The following ZNF502 variants were observed in gnomAD, a reference collection of about 807,000 sequenced individuals.
ZNF502 encodes the protein zinc finger protein 502.
ZNF502 carries 29 observed loss-of-function variants against 43.6 expected under a neutral mutation model. That is an observed-to-expected ratio of 0.67 (90% CI 0.50 to 0.91). ZNF502 has a LOEUF of 0.91. Among genes scored for constraint, ZNF502 ranks in the 40% least tolerant of loss-of-function variants. ZNF502 has a pLI of 0.00. For missense variants in ZNF502, 591 were observed against 647.2 expected, an observed-to-expected ratio of 0.91 and a Z score of 0.94; for synonymous variants, 171 against 207.4, an observed-to-expected ratio of 0.82 and a Z score of 1.51.
chr3:44,716,295 C>A (rs1413319560), intron 1 of ZNF502, among the ~76,000 whole-genome samples: 2 of 150,628 alleles, frequency 1.3e-5, no homozygotes, highest in Non-Finnish European at 1.5e-5. Context: ...TCAAGCAATT[C>A]TCCTGCCTCA....
At chr3:44,713,469 A>G (rs1704071156) in intron 1 of ZNF502, among the ~76,000 whole-genome samples, 1 of 152,216 alleles carries the variant, frequency 6.6e-6, no homozygotes, top group African/African-American at 2.4e-5. Flanking sequence ...AATATTTTAA[A>G]CTACATTTAT....
Position 44,721,095 on chromosome 3 carries a change from C to T in ZNF502, c.278C>T (p.Ala93Val). Reference protein sequence around the residue: ...FGRITFIHKEAPPEIISQGYN... With the variant: ...FGRITFIHKEVPPEIISQGYN... Reference sequence around the variant, plus strand: ...AGAATAACTTTCATCCACAAAGAAGCACCCCCTGAAATTATTAGTCAAGGA... The same window carrying T: ...AGAATAACTTTCATCCACAAAGAAGTACCCCCTGAAATTATTAGTCAAGGA... The change falls in exon 3 of 3, where the codon GCA (alanine) becomes GTA (valine). Residue 93 changes from alanine to valine, a missense_variant. Physicochemically the swap from Ala to Val is moderately conservative, Grantham distance 64. Transcript: ENST00000436624. 1.2e-6 allele frequency: 2 copies of T among 1,614,114 alleles called. No individual in the cohort carries two copies. Among genetic ancestry groups the T allele is most frequent in the Non-Finnish European group, 1.7e-6 (2 of 1,180,014 alleles).
At chr3:44,720,086 G>A (rs778720277) in intron 1 of ZNF502, 117 bp from the exon 2 acceptor site, 7 of 681,798 alleles carry the variant, frequency 1.0e-5, no homozygotes, top group Non-Finnish European at 1.8e-5. Flanking sequence ...TTGTTATCCT[G>A]AGAGTTATTG....
At chr3:44,720,671 G>A (rs549410940) in intron 2 of ZNF502, among the ~76,000 whole-genome samples, 137 of 152,168 alleles carry the variant, frequency 9.0e-4, no homozygotes, top group African/African-American at 3.1e-3. Flanking sequence ...CCTTCCATGG[G>A]AGTTCCTCGT....
rs1370837323 is a variant in ZNF502, at chr3:44,722,100, G to T, written c.1283G>T (p.Ser428Ile). 6.2e-7 allele frequency: 1 copy of T among 1,613,808 alleles called. No individual in the cohort carries two copies. Among genetic ancestry groups the T allele is most frequent in the East Asian group, 2.2e-5 (1 of 44,860 alleles). Residue 428 changes from serine to isoleucine, a missense_variant, in exon 3 of 3, where the codon AGT becomes ATT. Transcript: ENST00000436624. ...ATTTGCCTTATTCGGCACCAGAGAA[G>T]TCACACTGGAGAAAAACCCTATAAA... ...QSICLIRHQR[S>I]HTGEKPYKCN...
rs2125869641 is a variant in ZNF502 at position 44,723,459 on chromosome 3, G to C, written c.*1007G>C. 1 of 152,264 alleles carries C rather than the reference G, an allele frequency of 6.6e-6. No homozygotes were observed. The highest frequency in any genetic ancestry group is 1.9e-4 in the East Asian group (1 of 5,196). The allele number at this position is 152,264 out of a possible 1,614,324, so 9.4% of individuals were successfully genotyped here. A position where few individuals can be genotyped will look rare whatever the true frequency, so the allele number is the denominator to read the frequency against. Reference sequence around the variant, plus strand: ...CTAACAAAATGGTACTTAGTTTGTTGGTCTTTAGGAGAAAGCATTAGTAAT... The same window carrying C: ...CTAACAAAATGGTACTTAGTTTGTTCGTCTTTAGGAGAAAGCATTAGTAAT... On this transcript the variant is annotated 3_prime_UTR_variant, in exon 3 of 3. Transcript: ENST00000436624.
intron 1 of ZNF502, among the ~76,000 whole-genome samples, chr3:44,714,186 G>A (rs1575537191): frequency 1.3e-5 from 2 of 152,328 alleles, no homozygotes; most frequent in East Asian, 3.9e-4. Context: ...AAGGTAGAGG[G>A]AGGAAGCCAG....
At chr3:44,718,380 C>A (rs111578147) in intron 1 of ZNF502, among the ~76,000 whole-genome samples, 2 of 152,332 alleles carry the variant, frequency 1.3e-5, no homozygotes, top group African/African-American at 4.8e-5. Context: ...CGCAGATTAT[C>A]TGTTGCTGTA....
rs202029397 is a variant in ZNF502 at position 44,722,318 on chromosome 3, C to T, written c.1501C>T (p.Arg501Cys). 4.3e-5 allele frequency: 70 copies of T among 1,614,022 alleles called. No individual in the cohort carries two copies. Among genetic ancestry groups the T allele is most frequent in the Admixed American group, 2.7e-4 (16 of 60,002 alleles). ...ATGTAGTGAGTGTGAGAAAACCTTC[C>T]GCAAGTATGCACACCTTAGTGAACA... ...YKCSECEKTF[R>C]KYAHLSEHYR... The change falls in exon 3 of 3, where the codon CGC becomes TGC. Residue 501 changes from arginine (R) to cysteine (C), a missense_variant. By Grantham distance (180) the Arg-to-Cys change is radical. Coordinates refer to ENST00000436624, the MANE Select transcript of ZNF502 (RefSeq NM_001134442.3).
rs1704368817 is a variant in ZNF502 at position 44,722,096 on chromosome 3, A to C, written c.1279A>C (p.Arg427=). Residue 427 remains arginine, a synonymous_variant, in exon 3 of 3, where the codon AGA becomes CGA. Transcript: ENST00000436624. The part of the protein sequence containing the change: ...IQSICLIRHQ[R]SHTGEKPYKC... ...GAGCATTTGCCTTATTCGGCACCAGAGAAGTCACACTGGAGAAAAACCCTA... is the reference window on the plus strand; with the variant it reads ...GAGCATTTGCCTTATTCGGCACCAGCGAAGTCACACTGGAGAAAAACCCTA... 1 of 1,614,212 alleles carries C rather than the reference A, an allele frequency of 6.2e-7. No homozygotes were observed. The highest frequency in any genetic ancestry group is 8.5e-7 in the Non-Finnish European group (1 of 1,180,038).
intron 1 of ZNF502, among the ~76,000 whole-genome samples, chr3:44,715,385 G>A (rs568036474): frequency 3.3e-5 from 5 of 152,232 alleles, no homozygotes; most frequent in South Asian, 2.1e-4. Flanking sequence ...AACAATTGTA[G>A]TAATAGTGTG....
chr3:44,721,963 A>G lies in ZNF502; in HGVS notation c.1146A>G (p.Lys382=), dbSNP rs754573410. 1 of 1,614,164 alleles carries G rather than the reference A, an allele frequency of 6.2e-7. No individual in the cohort carries two copies. Among genetic ancestry groups the G allele is most frequent in the South Asian group, 1.1e-5 (1 of 91,082 alleles). ...IHTGEKPYKC[K]ECGKAFTQST... is the part of the protein sequence containing the mutation. ...CTGGAGAAAAACCATATAAGTGTAA[A>G]GAATGTGGCAAAGCGTTTACTCAGA... is the stretch of plus-strand genomic sequence containing the variant. The change falls in exon 3 of 3, where the codon AAA becomes AAG. Residue 382 remains lysine (K), a synonymous_variant. Coordinates refer to ENST00000436624, the MANE Select transcript of ZNF502 (RefSeq NM_001134442.3).
Position 44,723,541 on chromosome 3 carries a change from T to A in ZNF502, c.*1089T>A, listed in dbSNP as rs1704427933. 1 of 152,222 alleles carries A rather than the reference T, an allele frequency of 6.6e-6. No individual in the cohort carries two copies. The highest frequency in any genetic ancestry group is 6.5e-5 in the Admixed American group (1 of 15,276). 9.4% of individuals were successfully genotyped at this position (152,222 alleles called of 1,614,324 possible). A position where few individuals can be genotyped will look rare whatever the true frequency, so the allele number is the denominator to read the frequency against. ...ATTGGGGCTCTTAAGAAAGTTGACA[T>A]TTGTCGTGGAATGACTTTGGAAAGA... is the stretch of plus-strand genomic sequence containing the variant. On this transcript the variant is annotated 3_prime_UTR_variant, in exon 3 of 3. Coordinates refer to ENST00000436624, the MANE Select transcript of ZNF502 (RefSeq NM_001134442.3).
In ZNF502 at chr3:44,721,837, G is replaced by T; in HGVS notation, c.1020G>T (p.Gln340His). 6.2e-7 allele frequency: 1 copy of T among 1,614,140 alleles called. No individual in the cohort carries two copies. The highest frequency in any genetic ancestry group is 8.5e-7 in the Non-Finnish European group (1 of 1,180,008). The change falls in exon 3 of 3, where the codon CAG becomes CAT. Residue 340 changes from glutamine (Q) to histidine (H), a missense_variant. Physicochemically the swap from Gln to His is conservative, Grantham distance 24. Transcript: ENST00000436624. Reference sequence around the variant, plus strand: ...TCCAAACAAAGGCAAACCTCTCTCAGCATCAGAGAATTCATAGTGGAGAGA... The same window carrying T: ...TCCAAACAAAGGCAAACCTCTCTCATCATCAGAGAATTCATAGTGGAGAGA... The part of the protein sequence containing the change: ...KTFQTKANLS[Q>H]HQRIHSGEKP...
intron 1 of ZNF502, among the ~76,000 whole-genome samples, chr3:44,714,879 C>T (rs78598712): frequency 0.017 from 2,548 of 152,330 alleles, 47 homozygotes; most frequent in African/African-American, 0.039. Flanking sequence ...TAGGCCCACT[C>T]ACATGGGCTA....
chr3:44,719,481 G>A (rs894148481), intron 1 of ZNF502, among the ~76,000 whole-genome samples: 4 of 152,234 alleles, frequency 2.6e-5, no homozygotes, highest in African/African-American at 9.6e-5. Context: ...GTTAAATGGA[G>A]AGATATTTTT....
In ZNF502 at chr3:44,722,391, GA is replaced by G; in HGVS notation, c.1577del (p.Lys526SerfsTer24). On this transcript the variant is annotated frameshift_variant, in exon 3 of 3. Transcript: ENST00000436624. LOFTEE classifies it high-confidence loss of function. The part of the protein sequence containing the change: ...GEKPYECIEC[G>X]KFFRHSSVLF... ...AAGCCTTATGAGTGTATTGAGTGTG[GA>G]AAGTTCTTCAGACATAGTTCAGTCC... 1 of 1,614,158 alleles carries G rather than the reference GA, an allele frequency of 6.2e-7. No individual in the cohort carries two copies. The highest frequency in any genetic ancestry group is 8.5e-7 in the Non-Finnish European group (1 of 1,180,026).
At position 44,715,598 on chromosome 3, in the gene ZNF502, T is replaced by A. The variant is rs1704124834; in HGVS notation, c.-60+2858T>A. Among the ~76,000 whole-genome samples, 3 of 152,152 alleles carry A rather than the reference T, an allele frequency of 2.0e-5. No homozygotes were observed. In the South Asian group the frequency reaches 6.2e-4, roughly 31 times the overall value. On this transcript the variant is annotated intron_variant, in intron 1 of 2. Transcript: ENST00000436624. ...TATTCTTATAGATTTGTTTTTTTTT[T>A]AAAGTGGAGCAAAATATAGATAATA... is the stretch of plus-strand genomic sequence containing the variant.
At chr3:44,714,165 G>A (rs972415745) in intron 1 of ZNF502, among the ~76,000 whole-genome samples, 3 of 152,176 alleles carry the variant, frequency 2.0e-5, no homozygotes, top group Non-Finnish European at 4.4e-5. Context: ...GGCATCTGGG[G>A]AAAAGCTTAC....
Sources: allele counts gnomAD v4.1 joint callset (sites outside exome capture counted in the v4.1 genomes callset), GRCh38; gene constraint gnomAD v4.1.1; transcripts MANE v1.5; gene names NCBI Gene and HGNC (gene_info 2026-07-23, HGNC 2026-07-21).